NETO1: variants seen among roughly 807,000 people sequenced by gnomAD.
NETO1 encodes the protein neuropilin and tolloid-like protein 1.
A neutral mutation model predicts 61.3 loss-of-function variants in NETO1; 26 were observed. The observed-to-expected ratio is 0.42, with a 90% CI of 0.31 to 0.59. The LOEUF is 0.59. NETO1 is among the 20% of genes least tolerant of loss of function. The pLI, the probability that NETO1 is intolerant of heterozygous loss-of-function variation, is 0.12. For missense variants in NETO1, 531 were observed against 662.8 expected (o/e 0.80, Z 2.18); for synonymous variants, 225 against 225.8 (o/e 1.00, Z 0.03).
At chr18:72,782,650 C>A (rs1024598051) in intron 7 of NETO1, among the ~76,000 whole-genome samples, 1 of 151,758 alleles carries the variant, frequency 6.6e-6, no homozygotes, top group Non-Finnish European at 1.5e-5. Flanking sequence ...ACTAATAATA[C>A]AAAATTAGCT....
chr18:72,769,849 C>A (rs544664655), intron 7 of NETO1, among the ~76,000 whole-genome samples: 2 of 152,136 alleles, frequency 1.3e-5, no homozygotes, highest in South Asian at 4.1e-4. Flanking sequence ...TTCCCAGAAC[C>A]ATTTAACCAA....
At chr18:72,839,837 A>T (rs8090226) in intron 4 of NETO1, among the ~76,000 whole-genome samples, 146,203 of 152,264 alleles carry the variant, frequency 0.96, 70,283 homozygotes, top group Non-Finnish European at 0.99. Flanking sequence ...AGCCCTTTGT[A>T]TTTACCATAA....
At chr18:72,782,244 T>G (rs571708830) in intron 7 of NETO1, among the ~76,000 whole-genome samples, 8 of 152,314 alleles carry the variant, frequency 5.3e-5, no homozygotes, top group Admixed American at 4.6e-4. Context: ...TTATGCAGTC[T>G]AACATGGAAA....
chr18:72,852,759 G>A (rs1243041458), intron 4 of NETO1, among the ~76,000 whole-genome samples: 3 of 151,828 alleles, frequency 2.0e-5, no homozygotes, highest in South Asian at 2.1e-4. Flanking sequence ...AGAAAAGTGA[G>A]AGATGGAAGA....
At chr18:72,810,641 G>A (rs934066307) in intron 4 of NETO1, among the ~76,000 whole-genome samples, 1 of 152,184 alleles carries the variant, frequency 6.6e-6, no homozygotes, top group African/African-American at 2.4e-5. Flanking sequence ...AAAGCACTCT[G>A]AAATGGTGCA....
intron 4 of NETO1, among the ~76,000 whole-genome samples, chr18:72,840,639 G>T (rs2073900261): frequency 7.4e-5 from 1 of 13,442 alleles, no homozygotes; most frequent in Non-Finnish European, 3.6e-4. Context: ...GAAATTCAGA[G>T]ATTTTTTTTT....
intron 4 of NETO1, among the ~76,000 whole-genome samples, chr18:72,798,386 T>G (rs2072391807): frequency 6.6e-6 from 1 of 152,140 alleles, no homozygotes; most frequent in South Asian, 2.1e-4. Flanking sequence ...AGATGAACAT[T>G]AGCAAAGAAG....
chr18:72,793,129 C>T (rs1016138317), intron 6 of NETO1, among the ~76,000 whole-genome samples: 13 of 152,156 alleles, frequency 8.5e-5, no homozygotes, highest in African/African-American at 2.7e-4. Context: ...CCTGCTTTTT[C>T]GTGTAGCTGG....
intron 4 of NETO1, among the ~76,000 whole-genome samples, chr18:72,826,150 G>C (rs76835743): frequency 6.6e-6 from 1 of 151,952 alleles, no homozygotes; most frequent in Non-Finnish European, 1.5e-5. Flanking sequence ...TTTTAAATAC[G>C]TTTTTAATTA....
At chr18:72,862,397 C>T (rs76825358) in intron 3 of NETO1, among the ~76,000 whole-genome samples, 2,488 of 152,298 alleles carry the variant, frequency 0.016, 47 homozygotes, top group African/African-American at 0.052. Context: ...ATCTATCTCT[C>T]CACTGAGCTA....
chr18:72,837,870 C>A (rs1215059589), intron 4 of NETO1, among the ~76,000 whole-genome samples: 1 of 151,880 alleles, frequency 6.6e-6, no homozygotes, highest in Non-Finnish European at 1.5e-5. Flanking sequence ...AACAGCCACA[C>A]AAAACATTCT....
intron 7 of NETO1, among the ~76,000 whole-genome samples, chr18:72,778,542 A>T (rs2145209112): frequency 6.6e-6 from 1 of 152,272 alleles, no homozygotes; most frequent in Non-Finnish European, 1.5e-5. Context: ...CCTCACAAGC[A>T]ATACCTTCCA....
chr18:72,762,223 C>T (rs776999100), intron 7 of NETO1, among the ~76,000 whole-genome samples: 2 of 150,844 alleles, frequency 1.3e-5, no homozygotes, highest in African/African-American at 2.4e-5. Context: ...TGCAATGGCG[C>T]GATCTCCACT....
At chr18:72,811,120 C>T (rs1047586496) in intron 4 of NETO1, among the ~76,000 whole-genome samples, 2 of 152,118 alleles carry the variant, frequency 1.3e-5, no homozygotes, top group Non-Finnish European at 2.9e-5. Context: ...CCTTCCTCAC[C>T]CTCAGGCTTC....
At chr18:72,867,081 C>T (rs2074761111) in intron 1 of NETO1, 183 bp downstream of exon 1, 3 of 483,368 alleles carry the variant, frequency 6.2e-6, no homozygotes, top group African/African-American at 2.0e-5. Flanking sequence ...GCTGACCGCG[C>T]GCCGCCCCCA....
chr18:72,811,662 G>A (rs1037023799), intron 4 of NETO1, among the ~76,000 whole-genome samples: 3 of 152,076 alleles, frequency 2.0e-5, no homozygotes, highest in African/African-American at 7.2e-5. Flanking sequence ...AAAACGAGCC[G>A]GGTGTGGTGG....
chr18:72,852,228 T>G (rs1416618337), intron 4 of NETO1, among the ~76,000 whole-genome samples: 2 of 152,224 alleles, frequency 1.3e-5, no homozygotes, highest in Non-Finnish European at 2.9e-5. Flanking sequence ...TGTTTGTTTC[T>G]TTTTGAGATG....
At chr18:72,809,295 C>A (rs955057581) in intron 4 of NETO1, among the ~76,000 whole-genome samples, 1 of 151,990 alleles carries the variant, frequency 6.6e-6, no homozygotes, top group African/African-American at 2.4e-5. Context: ...GACTCAAAAC[C>A]CAAATGAAAA....
At chr18:72,792,464 C>T (rs1341911232) in intron 6 of NETO1, among the ~76,000 whole-genome samples, 3 of 151,600 alleles carry the variant, frequency 2.0e-5, no homozygotes, top group Non-Finnish European at 2.9e-5. Context: ...CGGAGGGGCT[C>T]TTCTTTTCCC....
Sources: allele counts gnomAD v4.1 joint callset (sites outside exome capture counted in the v4.1 genomes callset), GRCh38; gene constraint gnomAD v4.1.1; transcripts MANE v1.5; gene names NCBI Gene and HGNC (gene_info 2026-07-23, HGNC 2026-07-21).